The following ICAM2 variants were observed in gnomAD, a reference collection of about 807,000 sequenced individuals.
The protein encoded by ICAM2 is ICAM-2.
In ICAM2, 14 loss-of-function variants were observed where a neutral mutation model predicts 19.1. The ratio of observed to expected loss-of-function variants is 0.73; its 90% CI spans 0.48 to 1.15. ICAM2 has a LOEUF of 1.15. Among genes scored for constraint, ICAM2 ranks in the 50% most tolerant of loss-of-function variants. The pLI is 0.00. For synonymous variants in ICAM2, 153 were observed against 152.7 expected, an observed-to-expected ratio of 1.00 and a Z score of -0.01; for missense variants, 311 against 355.4, an observed-to-expected ratio of 0.88 and a Z score of 1.00.
Position 64,003,771 on chromosome 17 carries a change from T to A in ICAM2, c.522A>T (p.Thr174=), listed in dbSNP as rs1341501207. The change falls in exon 4 of 5, where the codon ACA becomes ACT. Residue 174 remains threonine, a synonymous_variant. Transcript: ENST00000579788. ...CCTCTCTGTCAGCCGTGCTGTTGAATGTGGCTGTGGCCTCCTGCGGAGCAG... is the reference window on the plus strand; with the variant it reads ...CCTCTCTGTCAGCCGTGCTGTTGAAAGTGGCTGTGGCCTCCTGCGGAGCAG... ...AAPAPQEATA[T]FNSTADREDG... is the part of the protein sequence containing the mutation. 3 of 1,614,246 alleles carry A rather than the reference T, an allele frequency of 1.9e-6. No homozygotes were observed. Among genetic ancestry groups the A allele is most frequent in the Non-Finnish European group, 2.5e-6 (3 of 1,180,044 alleles).
intron 1 of ICAM2, among the ~76,000 whole-genome samples, chr17:64,010,250 G>C (rs1911396860): frequency 6.6e-6 from 1 of 152,232 alleles, no homozygotes; most frequent in African/African-American, 2.4e-5. Context: ...ACAGGAATAA[G>C]AGGAAACTGA....
At chr17:64,006,861 C>T in intron 1 of ICAM2, 126 bp from the exon 2 acceptor site, 1 of 633,066 alleles carries the variant, frequency 1.6e-6, no homozygotes, top group East Asian at 2.8e-5. Flanking sequence ...CCAGCTCGTT[C>T]TAGGACCCCA....
rs776780307 is a variant in ICAM2 at position 64,003,785 on chromosome 17, C to T, written c.508G>A (p.Glu170Lys). Residue 170 changes from glutamate to lysine, a missense_variant, in exon 4 of 5, where the codon GAG (glutamate) becomes AAG (lysine). By Grantham distance (56) the Glu-to-Lys change is moderately conservative. Coordinates refer to ENST00000579788, the MANE Select transcript of ICAM2 (RefSeq NM_001099789.2). ...TFGKAAPAPQ[E>K]ATATFNSTAD... Reference sequence around the variant, plus strand: ...GTGCTGTTGAATGTGGCTGTGGCCTCCTGCGGAGCAGGGGCTGCCTTCCCG... The same window carrying T: ...GTGCTGTTGAATGTGGCTGTGGCCTTCTGCGGAGCAGGGGCTGCCTTCCCG... The T allele has an allele frequency of 7.4e-6, 12 of 1,614,252 alleles. No individual in the cohort carries two copies. The highest frequency in any genetic ancestry group is 1.0e-5 in the Non-Finnish European group (12 of 1,180,050).
chr17:64,020,265 G>C (rs564732352), intron 1 of ICAM2: 1 of 152,606 alleles, frequency 6.6e-6, no homozygotes, highest in African/African-American at 2.4e-5. Flanking sequence ...GCAGAGGAAG[G>C]AGAGAGGGGA....
rs77405692 is a variant in ICAM2 at position 64,015,693 on chromosome 17, T to C, written c.-45+4830A>G. 6.5e-4 allele frequency among the ~76,000 whole-genome samples: 99 copies of C among 152,142 alleles called. No homozygotes were observed. In the East Asian group the frequency reaches 0.018, roughly 27 times the overall value. ...AGGTTGAGGCTGCAGTAAACCGAGA[T>C]TACGCCACTGTACTCTAGCCTAGGT... is the stretch of plus-strand genomic sequence containing the variant. On this transcript the variant is annotated intron_variant, in intron 1 of 4. Coordinates refer to ENST00000579788, the MANE Select transcript of ICAM2 (RefSeq NM_001099789.2).
chr17:64,005,041 G>T, intron 3 of ICAM2, 66 bp downstream of exon 3: 1 of 1,560,824 alleles, frequency 6.4e-7, no homozygotes, highest in Non-Finnish European at 8.8e-7. Context: ...GAGGGGCTCT[G>T]TGTGCATTCA....
At chr17:64,005,449 A>AAG in intron 2 of ICAM2, 76 bp from the exon 3 acceptor site, 8 of 1,513,946 alleles carry the variant, frequency 5.3e-6, no homozygotes, top group Non-Finnish European at 7.2e-6. Flanking sequence ...CCATTGAGGC[A>AAG]GTCTGGCTCC....
Position 64,006,751 on chromosome 17 carries a change from G to A in ICAM2, c.-44-16C>T. 5.3e-6 allele frequency: 8 copies of A among 1,502,276 alleles called. No individual in the cohort carries two copies. The highest frequency in any genetic ancestry group is 7.4e-6 in the Non-Finnish European group (8 of 1,080,056). The allele number at this position is 1,502,276 out of a possible 1,614,324, so 93.1% of individuals were successfully genotyped here. On this transcript the variant is annotated splice_polypyrimidine_tract_variant and intron_variant, in intron 1 of 4. Coordinates refer to ENST00000579788, the MANE Select transcript of ICAM2 (RefSeq NM_001099789.2). ...CAAGGGCTGCCTGGAGGGAGATGGT[G>A]GGCGCAGGTCTGAGCTATGGCCCAG...
In ICAM2 at chr17:64,005,189, G is replaced by A. The variant is rs778964288; in HGVS notation, c.246C>T (p.Asn82=). The change falls in exon 3 of 5, where the codon AAC becomes AAT. Residue 82 remains asparagine, a synonymous_variant. Transcript: ENST00000579788. ...QAQWKHYLVS[N]ISHDTVLQCH... ...ATTGGAGGACCGTGTCATGGGAGAT[G>A]TTTGAGACCAAGTAATGTTTCCACT... 2 of 1,614,176 alleles carry A rather than the reference G, an allele frequency of 1.2e-6. No individual in the cohort carries two copies. Among genetic ancestry groups the A allele is most frequent in the South Asian group, 2.2e-5 (2 of 91,084 alleles).
At chr17:64,016,537 C>A (rs1004797880) in intron 1 of ICAM2, among the ~76,000 whole-genome samples, 8 of 152,174 alleles carry the variant, frequency 5.3e-5, no homozygotes, top group African/African-American at 1.9e-4. Context: ...AGTTAAGGTC[C>A]CTAGAATGCG....
At chr17:64,019,795 G>A (rs1289958742) in intron 1 of ICAM2, among the ~76,000 whole-genome samples, 4 of 127,148 alleles carry the variant, frequency 3.1e-5, no homozygotes, top group Admixed American at 9.3e-5. Context: ...CAGCCTGGGC[G>A]ACAAGAATGA....
At chr17:64,020,258 G>A (rs1911895495) in intron 1 of ICAM2, 1 of 152,540 alleles carries the variant, frequency 6.6e-6, no homozygotes, top group African/African-American at 2.4e-5. Flanking sequence ...TGGCAGAGCA[G>A]AGGAAGGAGA....
At chr17:64,003,200 G>A (rs1378256758) in intron 4 of ICAM2, 5 of 489,382 alleles carry the variant, frequency 1.0e-5, no homozygotes, top group Admixed American at 6.8e-5. Flanking sequence ...GGACCAGTGT[G>A]TAGCTGCTGG....
Position 64,006,630 on chromosome 17 carries a change from C to T in ICAM2, c.61+1G>A. The T allele has an allele frequency of 1.2e-6, 2 of 1,614,072 alleles. No individual in the cohort carries two copies. The highest frequency in any genetic ancestry group is 1.7e-6 in the Non-Finnish European group (2 of 1,179,916). ...TCAGGAACCCCAGGAAACTGGCTTACCTGGACAGCAGATCAGGGTGAAGAG... is the reference window on the plus strand; with the variant it reads ...TCAGGAACCCCAGGAAACTGGCTTATCTGGACAGCAGATCAGGGTGAAGAG... On this transcript the variant is annotated splice_donor_variant, in intron 2 of 4. Coordinates refer to ENST00000579788, the MANE Select transcript of ICAM2 (RefSeq NM_001099789.2). LOFTEE classifies it high-confidence loss of function.
rs1416440052 is a variant in ICAM2 at position 64,002,765 on chromosome 17, G to C, written c.810C>G (p.Pro270=). 3.1e-6 allele frequency: 5 copies of C among 1,612,128 alleles called. No individual in the cohort carries two copies. Among genetic ancestry groups the C allele is most frequent in the Admixed American group, 1.7e-5 (1 of 59,992 alleles). ...ATGGTTGCTATGGCCGGAAGGCCTG[G>C]GGCAGCCTCCTCCAAGCCGCTCGCA... ...YGVRAAWRRL[P]QAFRP Residue 270 remains proline (P), a synonymous_variant, in exon 5 of 5, where the codon CCC becomes CCG. Coordinates refer to ENST00000579788, the MANE Select transcript of ICAM2 (RefSeq NM_001099789.2).
At chr17:64,018,643 T>A (rs1911813331) in intron 1 of ICAM2, among the ~76,000 whole-genome samples, 1 of 151,626 alleles carries the variant, frequency 6.6e-6, no homozygotes, top group Non-Finnish European at 1.5e-5. Flanking sequence ...AACTCACAGT[T>A]CCATTCTTAG....
chr17:64,004,945 C>A (rs925429715), intron 3 of ICAM2, 162 bp downstream of exon 3: 2 of 777,006 alleles, frequency 2.6e-6, no homozygotes, highest in East Asian at 2.7e-5. Context: ...GGCATCCAAC[C>A]AAGGGCTGGC....
At chr17:64,009,849 G>A (rs1437212224) in intron 1 of ICAM2, among the ~76,000 whole-genome samples, 10 of 152,078 alleles carry the variant, frequency 6.6e-5, no homozygotes, top group African/African-American at 2.4e-4. Context: ...TATTCTTTCA[G>A]GTCCTGCATA....
chr17:64,005,071 C>T (rs547676205), intron 3 of ICAM2, 36 bp downstream of exon 3: 1 of 1,612,670 alleles, frequency 6.2e-7, no homozygotes, highest in South Asian at 1.1e-5. Context: ...GCCTCTGTCC[C>T]AGGGGAGAGG....
Sources: allele counts gnomAD v4.1 joint callset (sites outside exome capture counted in the v4.1 genomes callset), GRCh38; gene constraint gnomAD v4.1.1; transcripts MANE v1.5; gene names NCBI Gene and HGNC (gene_info 2026-07-23, HGNC 2026-07-21).